Variants in ASAP2 observed in about 807,000 individuals in gnomAD.
ASAP2 encodes ArfGAP with SH3 domain, ankyrin repeat and PH domain 2, also known as arf-GAP with SH3 domain, ANK repeat and PH domain-containing protein 2.
A neutral mutation model predicts 131.4 loss-of-function variants in ASAP2; 45 were observed. That is an observed-to-expected ratio of 0.34 (90% CI 0.27 to 0.44). The LOEUF is 0.44. Ranked by LOEUF, ASAP2 falls within the 20% of genes least tolerant of loss-of-function variation. ASAP2 has a pLI of 1.00. For synonymous variants in ASAP2, 510 were observed against 503.0 expected (o/e 1.01, Z -0.19); for missense variants, 1,011 against 1,297.0 (o/e 0.78, Z 3.39).
In ASAP2 at chr2:9,392,806, G is replaced by A. The variant is rs1675827480; in HGVS notation, c.2519-676G>A. On this transcript the variant is annotated intron_variant, in intron 23 of 27. Coordinates refer to ENST00000281419, the MANE Select transcript of ASAP2 (RefSeq NM_003887.3). The surrounding 1 kb of genome is among the most constrained non-coding windows in gnomAD (Gnocchi z 4.0). ...CCCATCCTGAGGCCCAGTATGATAA[G>A]CCCGACATTTAGAGAGGGCTTAATG... Among the ~76,000 whole-genome samples the A allele has an allele frequency of 6.6e-6, 1 of 152,128 alleles. No homozygotes were observed. The highest frequency in any genetic ancestry group is 1.5e-5 in the Non-Finnish European group (1 of 68,016).
intron 6 of ASAP2, among the ~76,000 whole-genome samples, chr2:9,325,348 T>G (rs1326687668): frequency 1.3e-5 from 2 of 152,226 alleles, no homozygotes; most frequent in Non-Finnish European, 2.9e-5. Context: ...TATTGGTTTT[T>G]GTTTTTGTTT....
At chr2:9,363,943 A>T (rs888780497) in intron 15 of ASAP2, among the ~76,000 whole-genome samples, 1 of 152,350 alleles carries the variant, frequency 6.6e-6, no homozygotes, top group Middle Eastern at 3.4e-3. Context: ...GAATCATGTC[A>T]TCTTAACTAC....
At chr2:9,277,634 T>G (rs1666841648) in intron 1 of ASAP2, among the ~76,000 whole-genome samples, 1 of 152,204 alleles carries the variant, frequency 6.6e-6, no homozygotes, top group African/African-American at 2.4e-5. Context: ...CCCCTTGACA[T>G]GCATAGCCTC....
At chr2:9,375,579 A>C (rs1674344012) in intron 17 of ASAP2, among the ~76,000 whole-genome samples, 1 of 152,220 alleles carries the variant, frequency 6.6e-6, no homozygotes, top group South Asian at 2.1e-4. Flanking sequence ...CAGTTTTGAA[A>C]TAGACGCTAT....
intron 1 of ASAP2, among the ~76,000 whole-genome samples, chr2:9,265,866 C>T (rs997080300): frequency 9.2e-5 from 14 of 152,118 alleles, no homozygotes; most frequent in African/African-American, 2.7e-4. Flanking sequence ...TCCACCTCCC[C>T]GGTTCAAGTG....
At position 9,364,982 on chromosome 2, in the gene ASAP2, C is replaced by G. The variant is rs890418093; in HGVS notation, c.1462-3443C>G. On this transcript the variant is annotated intron_variant, in intron 15 of 27. Coordinates refer to ENST00000281419, the MANE Select transcript of ASAP2 (RefSeq NM_003887.3). ...CAGACTCCAGAGCCTGTGTTTTAGCCTTTTTTTTTAAAGCCAAGATTCTGA... is the reference window on the plus strand; with the variant it reads ...CAGACTCCAGAGCCTGTGTTTTAGCGTTTTTTTTTAAAGCCAAGATTCTGA... Among the ~76,000 whole-genome samples, 5 of 151,198 alleles carry G rather than the reference C, an allele frequency of 3.3e-5. No individual in the cohort carries two copies. The East Asian group carries it at 9.7e-4, about 29-fold the overall frequency.
chr2:9,306,055 T>C (rs1197602966), intron 3 of ASAP2, among the ~76,000 whole-genome samples: 2 of 128,080 alleles, frequency 1.6e-5, no homozygotes, highest in Non-Finnish European at 3.2e-5. Context: ...AGAGTATCGA[T>C]ATGAGGTAGA....
chr2:9,231,673 C>T (rs1663174347), intron 1 of ASAP2, among the ~76,000 whole-genome samples: 1 of 152,238 alleles, frequency 6.6e-6, no homozygotes, highest in South Asian at 2.1e-4. Context: ...GTCTGTCTGC[C>T]TGGCCCTTGG....
At chr2:9,354,904 A>G (rs1672598047) in intron 12 of ASAP2, among the ~76,000 whole-genome samples, 1 of 152,226 alleles carries the variant, frequency 6.6e-6, no homozygotes. Context: ...TTCCCTAAGA[A>G]GAGAATTGGT....
intron 3 of ASAP2, among the ~76,000 whole-genome samples, chr2:9,306,335 A>G (rs1336089751): frequency 6.6e-6 from 1 of 151,740 alleles, no homozygotes; most frequent in Non-Finnish European, 1.5e-5. Context: ...TCGGGGAGCC[A>G]CATCCGCAGC....
chr2:9,387,233 T>C (rs911659795), intron 21 of ASAP2, among the ~76,000 whole-genome samples: 1 of 116,192 alleles, frequency 8.6e-6, no homozygotes, highest in African/African-American at 5.5e-5. Flanking sequence ...AAAAACCATA[T>C]AACCTTCAGG....
intron 3 of ASAP2, among the ~76,000 whole-genome samples, chr2:9,305,120 G>T (rs1403127362): frequency 6.7e-6 from 1 of 149,936 alleles, no homozygotes; most frequent in Non-Finnish European, 1.5e-5. Flanking sequence ...ACAGATATTG[G>T]TGGAGGGGGT....
At chr2:9,246,880 C>G (rs1039795042) in intron 1 of ASAP2, among the ~76,000 whole-genome samples, 1 of 152,118 alleles carries the variant, frequency 6.6e-6, no homozygotes, top group Non-Finnish European at 1.5e-5. Flanking sequence ...CTTGCTCCAT[C>G]ATCAGGCTGG....
chr2:9,373,153 G>A (rs1299934209), intron 16 of ASAP2, among the ~76,000 whole-genome samples: 4 of 152,106 alleles, frequency 2.6e-5, no homozygotes, highest in Admixed American at 6.5e-5. Context: ...TGAGGCACCC[G>A]CCTTAACCTA....
At chr2:9,337,262 A>G (rs1019127115) in intron 9 of ASAP2, among the ~76,000 whole-genome samples, 3 of 152,188 alleles carry the variant, frequency 2.0e-5, no homozygotes, top group African/African-American at 7.2e-5. Context: ...TCTGTGTATC[A>G]TGCTCTGCGT....
chr2:9,307,684 G>A (rs1458476033), intron 3 of ASAP2, among the ~76,000 whole-genome samples: 1 of 152,222 alleles, frequency 6.6e-6, no homozygotes, highest in Non-Finnish European at 1.5e-5. Context: ...CAGAGCTGTT[G>A]ACTGCCAGAG....
At chr2:9,385,486 A>G in intron 21 of ASAP2, 128 bp downstream of exon 21, 1 of 734,326 alleles carries the variant, frequency 1.4e-6, no homozygotes, top group African/African-American at 1.8e-5. Context: ...TTATGCTTTC[A>G]TTGATCTCAG....
At chr2:9,238,164 A>T (rs1407270463) in intron 1 of ASAP2, among the ~76,000 whole-genome samples, 1 of 152,154 alleles carries the variant, frequency 6.6e-6, no homozygotes, top group Non-Finnish European at 1.5e-5. Flanking sequence ...CACACGGATG[A>T]GCTTATTGAT....
At position 9,389,414 on chromosome 2, in the gene ASAP2, C is replaced by T. The variant is rs909098772; in HGVS notation, c.2383+868C>T. On this transcript the variant is annotated intron_variant, in intron 22 of 27. Coordinates refer to ENST00000281419, the MANE Select transcript of ASAP2 (RefSeq NM_003887.3). The surrounding 1 kb of genome is among the most constrained non-coding windows in gnomAD (Gnocchi z 4.7). ...TGAGCCGCTGATGGAGTGGAGCCCA[C>T]GTCCCCAAATACATCCCAAACTGTC... Among the ~76,000 whole-genome samples the T allele has an allele frequency of 6.6e-6, 1 of 152,212 alleles. No homozygotes were observed. Among genetic ancestry groups the T allele is most frequent in the Non-Finnish European group, 1.5e-5 (1 of 68,032 alleles).
Sources: allele counts gnomAD v4.1 joint callset (sites outside exome capture counted in the v4.1 genomes callset), GRCh38; gene constraint gnomAD v4.1.1; non-coding constraint Gnocchi (gnomAD v3.1); transcripts MANE v1.5; gene names NCBI Gene and HGNC (gene_info 2026-07-23, HGNC 2026-07-21).